MTG1: variants seen among roughly 807,000 people sequenced by gnomAD.
MTG1 encodes the protein mitochondrial ribosome-associated GTPase 1.
A neutral mutation model predicts 39.5 loss-of-function variants in MTG1; 30 were observed. The ratio of observed to expected loss-of-function variants is 0.76; its 90% CI spans 0.57 to 1.03. MTG1 has a LOEUF of 1.03. Among genes scored for constraint, MTG1 ranks in the 50% least tolerant of loss-of-function variants. MTG1 has a pLI of 0.00. For missense variants in MTG1, 513 were observed against 447.4 expected (o/e 1.15, Z -1.32); for synonymous variants, 217 against 179.0 (o/e 1.21, Z -1.69).
chr10:133,401,363 C>T, intron 6 of MTG1, 166 bp from the exon 7 acceptor site: 1 of 543,392 alleles, frequency 1.8e-6, no homozygotes, highest in Non-Finnish European at 3.2e-6. Context: ...CCATTTTGGC[C>T]AGATATGTTT....
intron 9 of MTG1, among the ~76,000 whole-genome samples, chr10:133,412,090 G>T (rs922184381): frequency 1.3e-5 from 2 of 151,960 alleles, no homozygotes; most frequent in African/African-American, 4.8e-5. Flanking sequence ...TGTTTGCTTA[G>T]AGGTTTTTTG....
intron 10 of MTG1, 152 bp downstream of exon 10, chr10:133,419,744 A>G (rs944700954): frequency 2.7e-6 from 2 of 745,452 alleles, no homozygotes; most frequent in East Asian, 5.4e-5. Context: ...GGAGCTACAG[A>G]AAGTTCTGGA....
chr10:133,397,455 TTTATCTC>T (rs1849799596), intron 3 of MTG1, among the ~76,000 whole-genome samples: 1 of 150,800 alleles, frequency 6.6e-6, no homozygotes, highest in South Asian at 2.1e-4. Flanking sequence ...TGTCTTTTCT[TTTATCTC>T]TTTGTCTTGT....
In MTG1 at chr10:133,396,160, C is replaced by T. The variant is rs775956865; in HGVS notation, c.178-3C>T. ...GGAGGAATTTTTACCTTAATTTTGCCACATCCCACTTTCAGGCCGCAACCC... is the reference window on the plus strand; with the variant it reads ...GGAGGAATTTTTACCTTAATTTTGCTACATCCCACTTTCAGGCCGCAACCC... On this transcript the variant is annotated splice_region_variant and splice_polypyrimidine_tract_variant and intron_variant, in intron 2 of 10. Coordinates refer to ENST00000317502, the MANE Select transcript of MTG1 (RefSeq NM_138384.4). The T allele has an allele frequency of 3.7e-6, 6 of 1,613,502 alleles. No individual in the cohort carries two copies. Among genetic ancestry groups the T allele is most frequent in the Non-Finnish European group, 5.1e-6 (6 of 1,179,560 alleles).
intron 9 of MTG1, among the ~76,000 whole-genome samples, chr10:133,404,372 C>T (rs1404570353): frequency 6.6e-6 from 1 of 152,092 alleles, no homozygotes; most frequent in Non-Finnish European, 1.5e-5. Flanking sequence ...AGGGATCTGC[C>T]CGCCTCAGCC....
Position 133,409,977 on chromosome 10 carries a change from A to G in MTG1, c.752+7204A>G, listed in dbSNP as rs117196690. 8.2e-3 allele frequency among the ~76,000 whole-genome samples: 1,139 copies of G among 138,488 alleles called. 8 individuals carry two copies. The highest frequency in any genetic ancestry group is 0.061 in the Middle Eastern group (14 of 228). The allele number at this position is 138,488 out of a possible 152,430, so 90.9% of individuals were successfully genotyped here. On this transcript the variant is annotated intron_variant, in intron 9 of 10. Coordinates refer to ENST00000317502, the MANE Select transcript of MTG1 (RefSeq NM_138384.4). ...TGACTTTCAGTCTGCGTATGTCTTT[A>G]TAGGTAAAGTCGGTTTCTTATAGGT...
At chr10:133,401,621 C>CT (rs1403455418) in intron 7 of MTG1, 31 bp downstream of exon 7, 45 of 1,609,850 alleles carry the variant, frequency 2.8e-5, no homozygotes, top group Non-Finnish European at 3.7e-5. Context: ...GCCCAGCACT[C>CT]TGTCAAGAGC....
intron 9 of MTG1, among the ~76,000 whole-genome samples, chr10:133,404,858 G>T (rs570587635): frequency 1.3e-5 from 2 of 152,210 alleles, no homozygotes; most frequent in East Asian, 3.9e-4. Context: ...CATATACGTG[G>T]GTCTGTTTGT....
chr10:133,418,734 G>A (rs1292491913), intron 9 of MTG1, among the ~76,000 whole-genome samples: 2 of 152,188 alleles, frequency 1.3e-5, no homozygotes, highest in East Asian at 1.9e-4. Context: ...TGGGAGCCAC[G>A]AGACAGGTTC....
At chr10:133,416,726 C>G (rs1023184286) in intron 9 of MTG1, among the ~76,000 whole-genome samples, 2 of 146,496 alleles carry the variant, frequency 1.4e-5, no homozygotes, top group African/African-American at 5.1e-5. Context: ...CTACAAAGGA[C>G]ATGAACTCAT....
At chr10:133,415,213 A>T (rs574690899) in intron 9 of MTG1, among the ~76,000 whole-genome samples, 1 of 151,106 alleles carries the variant, frequency 6.6e-6, no homozygotes, top group Admixed American at 6.6e-5. Flanking sequence ...GGAGCGGGAG[A>T]GGGAGCGGGA....
Position 133,395,729 on chromosome 10 carries a change from G to C in MTG1, c.129G>C (p.Gln43His), listed in dbSNP as rs763317939. 14 of 1,613,976 alleles carry C rather than the reference G, an allele frequency of 8.7e-6. No individual in the cohort carries two copies. Among genetic ancestry groups the C allele is most frequent in the Middle Eastern group, 1.6e-4 (1 of 6,074 alleles). Residue 43 changes from glutamine (Q) to histidine (H), a missense_variant, in exon 2 of 11, where the codon CAG becomes CAC. Gln to His is a conservative substitution (Grantham distance 24). Transcript: ENST00000317502. ...GTTTTCCAGGGCTGAAGAAGATGCAGAGCAGCCTGAAGCTGGTGGACTGTA... is the reference window on the plus strand; with the variant it reads ...GTTTTCCAGGGCTGAAGAAGATGCACAGCAGCCTGAAGCTGGTGGACTGTA... Reference protein sequence around the residue: ...GHMAKGLKKMQSSLKLVDCII... With the variant: ...GHMAKGLKKMHSSLKLVDCII...
Position 133,401,571 on chromosome 10 carries a change from C to T in MTG1, c.554C>T (p.Ala185Val). Residue 185 changes from alanine (A) to valine (V), a missense_variant, in exon 7 of 11, where the codon GCT (alanine) becomes GTT (valine). Physicochemically the swap from Ala to Val is moderately conservative, Grantham distance 64 (BLOSUM62 0). Coordinates refer to ENST00000317502, the MANE Select transcript of MTG1 (RefSeq NM_138384.4). ...RVGGEPGITR[A>V]VMSKIQVSER... is the part of the protein sequence containing the mutation. ...GGTGGCGAGCCTGGGATCACCAGAG[C>T]TGTGATGTCCAAAATTCAGGTGGAG... 6.2e-7 allele frequency: 1 copy of T among 1,610,816 alleles called. No individual in the cohort carries two copies. Among genetic ancestry groups the T allele is most frequent in the Non-Finnish European group, 8.5e-7 (1 of 1,177,876 alleles).
intron 6 of MTG1, 68 bp downstream of exon 6, chr10:133,399,687 C>T (rs1000245596): frequency 1.3e-6 from 2 of 1,525,284 alleles, no homozygotes; most frequent in East Asian, 2.3e-5. Context: ...GCTGATGCCA[C>T]CATCTTTCTT....
intron 9 of MTG1, among the ~76,000 whole-genome samples, chr10:133,415,270 T>C (rs959476993): frequency 3.3e-5 from 5 of 152,220 alleles, no homozygotes; most frequent in African/African-American, 1.2e-4. Context: ...CTCATTTCTT[T>C]GTGTAGGTCC....
At chr10:133,395,897 A>C in intron 2 of MTG1, 120 bp downstream of exon 2, 1 of 1,040,314 alleles carries the variant, frequency 9.6e-7, no homozygotes, top group Non-Finnish European at 1.4e-6. Flanking sequence ...AGTTAATCAG[A>C]ATCTGTGATG....
chr10:133,417,973 C>G (rs1361043138), intron 9 of MTG1, among the ~76,000 whole-genome samples: 1 of 152,164 alleles, frequency 6.6e-6, no homozygotes, highest in South Asian at 2.1e-4. Context: ...AGATTCAATG[C>G]CATCCCCATC....
rs770716140 is a variant in MTG1, at chr10:133,402,249, AGCCGGGGCTGGG to A, written c.670+7_670+18del. On this transcript the variant is annotated splice_donor_5th_base_variant and intron_variant, in intron 8 of 10. Transcript: ENST00000317502. The surrounding 1 kb of genome is among the most constrained non-coding windows in gnomAD (Gnocchi z 4.7). ...GGCCTGAAGCTGGCCCTGTGTGGTG[AGCCGGGGCTGGG>A]GCTGGGGCTGGGGCTGGGACCGGGG... is the stretch of plus-strand genomic sequence containing the variant. 1 of 1,576,414 alleles carries A rather than the reference AGCCGGGGCTGGG, an allele frequency of 6.3e-7. No homozygotes were observed. The highest frequency in any genetic ancestry group is 1.6e-5 in the African/African-American group (1 of 64,034).
At chr10:133,397,119 C>T (rs912950824) in intron 3 of MTG1, among the ~76,000 whole-genome samples, 14 of 152,194 alleles carry the variant, frequency 9.2e-5, no homozygotes, top group East Asian at 1.9e-4. Context: ...GCTCCTAGTC[C>T]GCCTTGATGT....
Sources: gnomAD v4.1 joint callset for allele counts (sites outside exome capture counted in the v4.1 genomes callset) on GRCh38, gnomAD v4.1.1 for gene constraint, Gnocchi (gnomAD v3.1) non-coding constraint, MANE v1.5 for transcripts, NCBI Gene and HGNC (gene_info 2026-07-23, HGNC 2026-07-21) for gene names.